The following MAML3 variants were observed in gnomAD, a reference collection of about 807,000 sequenced individuals.
MAML3 encodes mastermind like transcriptional coactivator 3, also known as mastermind-like protein 3.
In MAML3, 27 loss-of-function variants were observed where a neutral mutation model predicts 101.9. The ratio of observed to expected loss-of-function variants is 0.27; its 90% confidence interval spans 0.20 to 0.37. The LOEUF is 0.37. Among genes scored for constraint, MAML3 ranks in the 10% least tolerant of loss-of-function variants. MAML3 has a pLI of 1.00. For missense variants in MAML3, 1,316 were observed against 1,444.9 expected (o/e 0.91, Z 1.45); for synonymous variants, 501 against 555.9 (o/e 0.90, Z 1.39).
At position 139,749,272 on chromosome 4, in the gene MAML3, T is replaced by C. The variant is rs1298988320; in HGVS notation, c.2080-18605A>G. 3.3e-5 allele frequency among the ~76,000 whole-genome samples: 5 copies of C among 152,264 alleles called. No individual in the cohort carries two copies. In the East Asian group the frequency reaches 9.6e-4, roughly 29 times the overall value. ...CCAGGTTTCTTTGCATTAACACAGA[T>C]TTCAAAAACATGAAATATATATTAA... On this transcript the variant is annotated intron_variant, in intron 2 of 4. Transcript: ENST00000509479.
At chr4:140,113,273 G>A (rs902830343) in intron 1 of MAML3, among the ~76,000 whole-genome samples, 2 of 151,366 alleles carry the variant, frequency 1.3e-5, no homozygotes, top group South Asian at 4.2e-4. Context: ...AGCAAGACTC[G>A]GTCTCAAAAA....
chr4:139,922,288 C>T (rs1189723548), intron 1 of MAML3, among the ~76,000 whole-genome samples: 3 of 152,182 alleles, frequency 2.0e-5, no homozygotes, highest in Admixed American at 2.0e-4. Flanking sequence ...CCTCCACCTT[C>T]TCACTCACCT....
In MAML3 at chr4:140,153,123, T is replaced by C; in HGVS notation, c.205A>G (p.Lys69Glu). 1 of 1,550,730 alleles carries C rather than the reference T, an allele frequency of 6.4e-7. No individual in the cohort carries two copies. Among genetic ancestry groups the C allele is most frequent in the Non-Finnish European group, 8.7e-7 (1 of 1,146,818 alleles). Residue 69 changes from lysine (K) to glutamate (E), a missense_variant, in exon 1 of 5, where the codon AAG becomes GAG. Physicochemically the swap from Lys to Glu is moderately conservative, Grantham distance 56 (BLOSUM62 1). Coordinates refer to ENST00000509479, the MANE Select transcript of MAML3 (RefSeq NM_018717.5). ...GPGGGSAAVP[K>E]HSTVVERLRQ... ...AGCCGCTCCACCACGGTGCTGTGCT[T>C]GGGAACGGCCGCCGAACCGCCGCCG... is the stretch of plus-strand genomic sequence containing the variant.
At chr4:139,733,767 C>G (rs1728818241) in intron 2 of MAML3, among the ~76,000 whole-genome samples, 1 of 152,160 alleles carries the variant, frequency 6.6e-6, no homozygotes, top group Non-Finnish European at 1.5e-5. Context: ...TCACTGCAAC[C>G]TCCAACTCCT....
Position 140,153,468 on chromosome 4 carries a change from C to G in MAML3, c.-141G>C. 24 of 732,432 alleles carry G rather than the reference C, an allele frequency of 3.3e-5. No homozygotes were observed. The highest frequency in any genetic ancestry group is 2.6e-4 in the South Asian group (6 of 23,276). The allele number at this position is 732,432 out of a possible 1,614,324, so 45.4% of individuals were successfully genotyped here. A position where few individuals can be genotyped will look rare whatever the true frequency, so the allele number is the denominator to read the frequency against. On this transcript the variant is annotated 5_prime_UTR_variant, in exon 1 of 5. Coordinates refer to ENST00000509479, the MANE Select transcript of MAML3 (RefSeq NM_018717.5). ...ACATGGATGGAAACGGCGATCCCGACGGGGCGAAAAAAACGGGGGGGGAGA... is the reference window on the plus strand; with the variant it reads ...ACATGGATGGAAACGGCGATCCCGAGGGGGCGAAAAAAACGGGGGGGGAGA...
chr4:139,852,423 T>C (rs1052575778), intron 2 of MAML3, among the ~76,000 whole-genome samples: 23 of 140,086 alleles, frequency 1.6e-4, no homozygotes, highest in Admixed American at 8.5e-4. Context: ...TTTTTTTTTT[T>C]TTTTTTTGAG....
intron 1 of MAML3, among the ~76,000 whole-genome samples, chr4:139,920,808 T>C (rs1307980281): frequency 6.6e-6 from 1 of 152,178 alleles, no homozygotes; most frequent in African/African-American, 2.4e-5. Flanking sequence ...GATGACTGTC[T>C]GGGGTGAGTG....
chr4:139,855,686 TCA>T (rs1731647873), intron 2 of MAML3, among the ~76,000 whole-genome samples: 1 of 152,208 alleles, frequency 6.6e-6, no homozygotes, highest in South Asian at 2.1e-4. Flanking sequence ...ATACATTATC[TCA>T]TCTTTATCAT....
intron 4 of MAML3, among the ~76,000 whole-genome samples, chr4:139,722,620 T>A (rs1380759305): frequency 1.3e-5 from 2 of 152,190 alleles, no homozygotes; most frequent in African/African-American, 4.8e-5. Flanking sequence ...TGTTCTATTT[T>A]CACTCACAAG....
At chr4:139,864,944 T>TG (rs1334284018) in intron 2 of MAML3, among the ~76,000 whole-genome samples, 9 of 144,866 alleles carry the variant, frequency 6.2e-5, no homozygotes, top group Admixed American at 6.2e-4. Context: ...TTTTTTTTTT[T>TG]TTTTTTTTTG....
intron 1 of MAML3, among the ~76,000 whole-genome samples, chr4:139,982,874 T>C (rs1241817034): frequency 6.6e-6 from 1 of 152,176 alleles, no homozygotes; most frequent in Admixed American, 6.5e-5. Flanking sequence ...ATATCATATG[T>C]TGTTTCAGAA....
At chr4:140,044,499 C>A (rs959333236) in intron 1 of MAML3, among the ~76,000 whole-genome samples, 11 of 152,148 alleles carry the variant, frequency 7.2e-5, no homozygotes, top group African/African-American at 2.4e-4. Context: ...GCCCTTATTT[C>A]GCAAGAGTCC....
chr4:139,966,204 C>T (rs1347954735), intron 1 of MAML3, among the ~76,000 whole-genome samples: 1 of 152,162 alleles, frequency 6.6e-6, no homozygotes, highest in African/African-American at 2.4e-5. Context: ...TATTCACTTT[C>T]ATACCATTTG....
chr4:139,881,106 C>T (rs1486694654), intron 2 of MAML3, among the ~76,000 whole-genome samples: 1 of 152,164 alleles, frequency 6.6e-6, no homozygotes, highest in East Asian at 1.9e-4. Context: ...GAACCAGAGG[C>T]ACCTCTGAAT....
chr4:139,891,576 T>C (rs138135612), intron 1 of MAML3, among the ~76,000 whole-genome samples: 270 of 152,266 alleles, frequency 1.8e-3, no homozygotes, highest in African/African-American at 6.3e-3. Flanking sequence ...CCATGAATGC[T>C]AGACATGAGA....
Position 139,877,974 on chromosome 4 carries a change from T to C in MAML3, c.2079+11383A>G, listed in dbSNP as rs532966732. Among the ~76,000 whole-genome samples the C allele has an allele frequency of 2.7e-4, 41 of 152,340 alleles. 2 individuals carry two copies. The South Asian group carries it at 8.5e-3, about 32-fold the overall frequency. On this transcript the variant is annotated intron_variant, in intron 2 of 4. Transcript: ENST00000509479. The stretch of plus-strand genomic sequence containing the variant: ...TTCAAGCACCAAGTTCTGTTACTTC[T>C]TCCCTCTAAATGCCACTATGGCCAT...
intron 1 of MAML3, among the ~76,000 whole-genome samples, chr4:140,010,199 T>C (rs1475458904): frequency 6.6e-6 from 1 of 152,224 alleles, no homozygotes; most frequent in African/African-American, 2.4e-5. Flanking sequence ...ACCACAAATA[T>C]GAGGGCACTG....
chr4:140,045,359 C>T (rs1026406143), intron 1 of MAML3, among the ~76,000 whole-genome samples: 4 of 139,254 alleles, frequency 2.9e-5, no homozygotes, highest in South Asian at 4.5e-4. Context: ...CGTGCCACTG[C>T]ACTTCAGCCT....
chr4:139,730,196 G>A (rs533638426), intron 3 of MAML3: 8 of 588,438 alleles, frequency 1.4e-5, no homozygotes, highest in Non-Finnish European at 2.4e-5. Flanking sequence ...TCAAATTGAT[G>A]GCTGGAGCCT....
Sources: gnomAD v4.1 joint callset for allele counts (sites outside exome capture counted in the v4.1 genomes callset) on GRCh38, gnomAD v4.1.1 for gene constraint, MANE v1.5 for transcripts, NCBI Gene and HGNC (gene_info 2026-07-23, HGNC 2026-07-21) for gene names.